ARHGEF28: variants seen among roughly 807,000 people sequenced by gnomAD.
The protein encoded by ARHGEF28 is 190 kDa guanine nucleotide exchange factor.
In ARHGEF28, 152 loss-of-function variants were observed where a neutral mutation model predicts 206.6. The observed-to-expected ratio is 0.74, with a 90% confidence interval of 0.64 to 0.84. ARHGEF28 has a LOEUF of 0.84. Among genes scored for constraint, ARHGEF28 ranks in the 40% least tolerant of loss-of-function variants. The probability of loss-of-function intolerance (pLI) is 0.00; values close to 1 mark genes in which losing one functional copy is unlikely to be tolerated. For synonymous variants in ARHGEF28, 763 were observed against 776.4 expected, an observed-to-expected ratio of 0.98 and a Z score of 0.29; for missense variants, 2,028 against 2,073.2, an observed-to-expected ratio of 0.98 and a Z score of 0.42.
chr5:73,828,444 G>T (rs1579949943), intron 9 of ARHGEF28, among the ~76,000 whole-genome samples: 1 of 151,930 alleles, frequency 6.6e-6, no homozygotes, highest in East Asian at 1.9e-4. Context: ...TACATGTCAG[G>T]TTCTAGGTGA....
intron 9 of ARHGEF28, among the ~76,000 whole-genome samples, chr5:73,802,420 CT>C (rs1755194234): frequency 6.6e-6 from 1 of 152,066 alleles, no homozygotes; most frequent in African/African-American, 2.4e-5. Context: ...TCTAAATTAC[CT>C]TTTTCTTTCA....
intron 2 of ARHGEF28, among the ~76,000 whole-genome samples, chr5:73,717,217 C>T (rs1241671729): frequency 1.3e-5 from 2 of 152,064 alleles, no homozygotes; most frequent in African/African-American, 2.4e-5. Flanking sequence ...GCTACTCTAA[C>T]AAAACAAATT....
intron 1 of ARHGEF28, among the ~76,000 whole-genome samples, chr5:73,639,100 G>A (rs931921789): frequency 6.6e-6 from 1 of 151,096 alleles, no homozygotes; most frequent in Non-Finnish European, 1.5e-5. Flanking sequence ...AGATCTTCAT[G>A]GCCCTAGCAC....
rs867901411 is a variant in ARHGEF28, at chr5:73,844,645, T to G, written c.1428-1623T>G. 9.4e-5 allele frequency among the ~76,000 whole-genome samples: 14 copies of G among 149,352 alleles called. No individual in the cohort carries two copies. The Middle Eastern group carries it at 0.01, about 110-fold the overall frequency. On this transcript the variant is annotated intron_variant, in intron 11 of 35. Coordinates refer to ENST00000513042, the MANE Select transcript of ARHGEF28 (RefSeq NM_001177693.2). ...AAATAAAAAAAAAAGCCTATGTTTT[T>G]TTTTTTTTTTAAATAACCTAAACAG...
intron 35 of ARHGEF28, among the ~76,000 whole-genome samples, chr5:73,940,275 A>AT (rs1339947461): frequency 2.4e-4 from 36 of 152,288 alleles, no homozygotes; most frequent in Admixed American, 1.1e-3. Flanking sequence ...AACTGGCTTG[A>AT]TTTTCCCTAG....
intron 24 of ARHGEF28, 67 bp from the exon 25 acceptor site, chr5:73,885,783 T>C: frequency 1.4e-6 from 2 of 1,441,582 alleles, no homozygotes; most frequent in Admixed American, 5.0e-5. Context: ...AAAGAAGAAG[T>C]TTTCTTCCTT....
At chr5:73,853,084 A>G (rs1758800799) in intron 14 of ARHGEF28, among the ~76,000 whole-genome samples, 2 of 152,194 alleles carry the variant, frequency 1.3e-5, no homozygotes, top group Admixed American at 1.3e-4. Flanking sequence ...AAACATCCCT[A>G]CTGTCTCTCT....
At chr5:73,743,495 A>AT (rs1751551831) in intron 2 of ARHGEF28, among the ~76,000 whole-genome samples, 1 of 152,230 alleles carries the variant, frequency 6.6e-6, no homozygotes, top group Non-Finnish European at 1.5e-5. Context: ...AAAATGTGTT[A>AT]TAAGTCTTTT....
intron 22 of ARHGEF28, among the ~76,000 whole-genome samples, chr5:73,879,757 A>G (rs1199105232): frequency 6.6e-6 from 1 of 152,156 alleles, no homozygotes; most frequent in Admixed American, 6.5e-5. Context: ...GTGAACCGCG[A>G]ATGCTGCTGT....
At position 73,776,781 on chromosome 5, in the gene ARHGEF28, T is replaced by C. The variant is rs1008981739; in HGVS notation, c.840+85T>C. The C allele has an allele frequency of 3.0e-6, 4 of 1,335,612 alleles. No homozygotes were observed. The African/African-American group carries it at 5.8e-5, about 19-fold the overall frequency. The allele number at this position is 1,335,612 out of a possible 1,614,324, so 82.7% of individuals were successfully genotyped here. ...TTTCTTATTATGAGAACAGTGTTTT[T>C]TGGGGGTAGGACTTTTTTTAATGAA... On this transcript the variant is annotated intron_variant, in intron 6 of 35. Coordinates refer to ENST00000513042, the MANE Select transcript of ARHGEF28 (RefSeq NM_001177693.2).
intron 1 of ARHGEF28, among the ~76,000 whole-genome samples, chr5:73,652,738 C>T (rs962034892): frequency 2.0e-5 from 3 of 152,190 alleles, no homozygotes; most frequent in African/African-American, 7.2e-5. Flanking sequence ...AAAGCTTCCA[C>T]AGATCTCACT....
At chr5:73,854,201 T>C (rs561656039) in intron 14 of ARHGEF28, among the ~76,000 whole-genome samples, 1 of 152,284 alleles carries the variant, frequency 6.6e-6, no homozygotes, top group South Asian at 2.1e-4. Flanking sequence ...TCCCAAGCCA[T>C]ACCTAATGCT....
At chr5:73,843,993 A>T (rs866240415) in intron 11 of ARHGEF28, among the ~76,000 whole-genome samples, 6 of 152,186 alleles carry the variant, frequency 3.9e-5, no homozygotes, top group Non-Finnish European at 7.3e-5. Flanking sequence ...TATATTTTTT[A>T]AAAAACTCTA....
intron 3 of ARHGEF28, 92 bp from the exon 4 acceptor site, chr5:73,752,817 G>A: frequency 6.9e-7 from 1 of 1,440,488 alleles, no homozygotes; most frequent in Non-Finnish European, 9.5e-7. Context: ...CGTGTTGTCT[G>A]CTTAAGCTAT....
At chr5:73,726,845 C>T (rs7717168) in intron 2 of ARHGEF28, among the ~76,000 whole-genome samples, 3,359 of 152,142 alleles carry the variant, frequency 0.022, 154 homozygotes, top group African/African-American at 0.077. Flanking sequence ...GTTGAGTGGT[C>T]GTAATCTAAA....
chr5:73,904,171 C>T lies in ARHGEF28; in HGVS notation c.4075-51C>T, dbSNP rs1022400740. On this transcript the variant is annotated intron_variant, in intron 31 of 35. Coordinates refer to ENST00000513042, the MANE Select transcript of ARHGEF28 (RefSeq NM_001177693.2). ...TACATTTTGGGACACTGCAGGGCAG[C>T]TTTTCAGAAGTAGAATGGTTATTCA... is the stretch of plus-strand genomic sequence containing the variant. 4.4e-6 allele frequency: 7 copies of T among 1,595,520 alleles called. No homozygotes were observed. The African/African-American group carries it at 8.1e-5, about 18-fold the overall frequency.
intron 35 of ARHGEF28, among the ~76,000 whole-genome samples, chr5:73,915,923 A>G (rs932420431): frequency 9.2e-5 from 14 of 152,208 alleles, no homozygotes; most frequent in African/African-American, 2.7e-4. Flanking sequence ...GCCAAATTTT[A>G]TGTTAATAAT....
chr5:73,894,647 G>A lies in ARHGEF28; in HGVS notation c.3841+72G>A. Reference sequence around the variant, plus strand: ...TTATTGAACACCTGCTAAGTGCCATGCACTGTGGTCTTGGTGCTGAGGATA... The same window carrying A: ...TTATTGAACACCTGCTAAGTGCCATACACTGTGGTCTTGGTGCTGAGGATA... On this transcript the variant is annotated intron_variant, in intron 29 of 35. Coordinates refer to ENST00000513042, the MANE Select transcript of ARHGEF28 (RefSeq NM_001177693.2). The A allele has an allele frequency of 4.6e-6, 7 of 1,517,348 alleles. No homozygotes were observed. The South Asian group carries it at 9.0e-5, about 20-fold the overall frequency. 94.0% of individuals were successfully genotyped at this position (1,517,348 alleles called of 1,614,324 possible).
At chr5:73,695,610 C>T (rs1223400909) in intron 2 of ARHGEF28, among the ~76,000 whole-genome samples, 1 of 152,170 alleles carries the variant, frequency 6.6e-6, no homozygotes, top group Non-Finnish European at 1.5e-5. Context: ...GTTACCATCC[C>T]ACCACTCTCC....
Sources: allele counts gnomAD v4.1 joint callset (sites outside exome capture counted in the v4.1 genomes callset), GRCh38; gene constraint gnomAD v4.1.1; transcripts MANE v1.5; gene names NCBI Gene and HGNC (gene_info 2026-07-23, HGNC 2026-07-21).